Variants in PIEZO2 observed in about 807,000 individuals in gnomAD.
PIEZO2 encodes the protein piezo-type mechanosensitive ion channel component 2.
Under a neutral mutation model 337.3 loss-of-function variants are expected in PIEZO2, and 172 were observed. That is an observed-to-expected ratio of 0.51 (90% CI 0.45 to 0.58). The LOEUF is 0.58. Ranked by LOEUF, PIEZO2 falls within the 20% of genes least tolerant of loss-of-function variation. The pLI, the probability that PIEZO2 is intolerant of heterozygous loss-of-function variation, is 0.00. For missense variants in PIEZO2, 3,028 were observed against 3,391.3 expected (o/e 0.89, Z 2.66); for synonymous variants, 1,251 against 1,228.5 (o/e 1.02, Z -0.38).
intron 7 of PIEZO2, among the ~76,000 whole-genome samples, chr18:10,814,322 C>T (rs1356174246): frequency 1.3e-5 from 2 of 152,078 alleles, no homozygotes; most frequent in African/African-American, 4.8e-5. Flanking sequence ...GTTCTAATTC[C>T]AAGACAGCTT....
intron 1 of PIEZO2, among the ~76,000 whole-genome samples, chr18:11,108,886 C>T (rs1045543606): frequency 1.3e-5 from 2 of 152,140 alleles, no homozygotes; most frequent in East Asian, 1.9e-4. Flanking sequence ...ACATAAATAA[C>T]ACCAAAGGAA....
chr18:10,901,721 G>C (rs976659665), intron 4 of PIEZO2, among the ~76,000 whole-genome samples: 4 of 152,116 alleles, frequency 2.6e-5, no homozygotes, highest in African/African-American at 9.7e-5. Context: ...GTGCTGAGTA[G>C]AATATGATTA....
At position 10,673,573 on chromosome 18, in the gene PIEZO2, G is replaced by A. The variant is rs2033870382; in HGVS notation, c.8162-700C>T. Among the ~76,000 whole-genome samples, 1 of 152,216 alleles carries A rather than the reference G, an allele frequency of 6.6e-6. No individual in the cohort carries two copies. The highest frequency in any genetic ancestry group is 1.5e-5 in the Non-Finnish European group (1 of 68,044). ...GGGACACAGCTCAGCAAATCTCTGA[G>A]AACCATAATATCGGGTCAGTGATTA... On this transcript the variant is annotated intron_variant, in intron 54 of 55. Transcript: ENST00000674853. The surrounding 1 kb of genome is among the most constrained non-coding windows in gnomAD (Gnocchi z 4.8).
At chr18:10,760,838 G>T in intron 24 of PIEZO2, 73 bp downstream of exon 24, 1 of 1,268,212 alleles carries the variant, frequency 7.9e-7, no homozygotes, top group Non-Finnish European at 1.1e-6. Flanking sequence ...AGTTCCAGTG[G>T]CCAATTGGCC....
intron 2 of PIEZO2, among the ~76,000 whole-genome samples, chr18:10,985,758 AG>A (rs774974804): frequency 6.6e-6 from 1 of 152,014 alleles, no homozygotes; most frequent in Non-Finnish European, 1.5e-5. Context: ...AAGGAATCAA[AG>A]CATACCACTA....
At chr18:11,073,848 C>T (rs1314452005) in intron 1 of PIEZO2, among the ~76,000 whole-genome samples, 7 of 137,172 alleles carry the variant, frequency 5.1e-5, no homozygotes, top group Admixed American at 3.0e-4. Context: ...ATAACAACTG[C>T]TTTTTTTTTT....
intron 1 of PIEZO2, among the ~76,000 whole-genome samples, chr18:11,136,191 C>T (rs2040481513): frequency 6.6e-6 from 1 of 152,158 alleles, no homozygotes; most frequent in Non-Finnish European, 1.5e-5. Context: ...GTGAATGAGG[C>T]GGGGGCATCC....
At chr18:10,887,849 G>C (rs2042651142) in intron 4 of PIEZO2, among the ~76,000 whole-genome samples, 1 of 152,038 alleles carries the variant, frequency 6.6e-6, no homozygotes. Flanking sequence ...ACACAGACAT[G>C]GTGCTGTACT....
rs2040152354 is a variant in PIEZO2, at chr18:11,125,282, AAT to A, written c.64+23241_64+23242del. Among the ~76,000 whole-genome samples the A allele has an allele frequency of 6.6e-6, 1 of 152,246 alleles. No homozygotes were observed. The highest frequency in any genetic ancestry group is 1.5e-5 in the Non-Finnish European group (1 of 68,046). On this transcript the variant is annotated intron_variant, in intron 1 of 55. Coordinates refer to ENST00000674853, the MANE Select transcript of PIEZO2 (RefSeq NM_001378183.1). The surrounding 1 kb of genome is among the most constrained non-coding windows in gnomAD (Gnocchi z 4.4). ...GAGCTGATAATTCAAAAAGTATGCG[AAT>A]ATGTTTTAAAAACTACGATGTGTCC... is the stretch of plus-strand genomic sequence containing the variant.
chr18:11,119,909 T>C (rs2039986166), intron 1 of PIEZO2, among the ~76,000 whole-genome samples: 1 of 152,248 alleles, frequency 6.6e-6, no homozygotes, highest in Non-Finnish European at 1.5e-5. Context: ...CTGAAATTAC[T>C]ACCTAGTTGA....
rs548262322 is a variant in PIEZO2 at position 10,895,568 on chromosome 18, G to A, written c.329+15618C>T. Among the ~76,000 whole-genome samples the A allele has an allele frequency of 3.3e-4, 50 of 152,302 alleles. No individual in the cohort carries two copies. The highest frequency in any genetic ancestry group is 1.2e-3 in the African/African-American group (50 of 41,566). ...CCGGGGAATGGTGCCGTTTGTTGGGGTACCTGTGCAGCAGTAGCAGTGCCG... is the reference window on the plus strand; with the variant it reads ...CCGGGGAATGGTGCCGTTTGTTGGGATACCTGTGCAGCAGTAGCAGTGCCG... On this transcript the variant is annotated intron_variant, in intron 4 of 55. Transcript: ENST00000674853. The surrounding 1 kb of genome is among the most constrained non-coding windows in gnomAD (Gnocchi z 4.8).
rs911157531 is a variant in PIEZO2 at position 10,846,929 on chromosome 18, T to G, written c.917+8424A>C. Among the ~76,000 whole-genome samples the G allele has an allele frequency of 6.6e-6, 1 of 152,198 alleles. No individual in the cohort carries two copies. The highest frequency in any genetic ancestry group is 2.1e-4 in the South Asian group (1 of 4,828). On this transcript the variant is annotated intron_variant, in intron 7 of 55. Transcript: ENST00000674853. The surrounding 1 kb of genome is among the most constrained non-coding windows in gnomAD (Gnocchi z 4.1). ...AGTGAGTTTGAATAATAAAAATATT[T>G]GATGACTACAACAATAAAAATCAGT...
intron 49 of PIEZO2, among the ~76,000 whole-genome samples, chr18:10,685,011 A>G (rs1402052368): frequency 1.3e-5 from 2 of 152,018 alleles, no homozygotes; most frequent in Admixed American, 1.3e-4. Flanking sequence ...CTGCATTTCC[A>G]ATCAGCTTCC....
rs117915187 is a variant in PIEZO2, at chr18:10,730,691, T to C, written c.5029+716A>G. Among the ~76,000 whole-genome samples, 587 of 152,294 alleles carry C rather than the reference T, an allele frequency of 3.9e-3. 5 individuals carry two copies. Among genetic ancestry groups the C allele is most frequent in the Non-Finnish European group, 4.1e-3 (278 of 68,028 alleles). ...TTGTTTAAGTGTGCTTTCCCTTTTT[T>C]CTTGATTAAATTGCCAAAGTTTCAT... On this transcript the variant is annotated intron_variant, in intron 36 of 55. Transcript: ENST00000674853.
intron 5 of PIEZO2, among the ~76,000 whole-genome samples, chr18:10,864,039 A>G (rs2041944204): frequency 6.6e-6 from 1 of 152,222 alleles, no homozygotes; most frequent in Non-Finnish European, 1.5e-5. Context: ...GTGATGACAA[A>G]GGCAGCATTT....
chr18:10,982,531 C>G lies in PIEZO2; in HGVS notation c.161-2871G>C, dbSNP rs115557062. ...AAAATGCCAGTAGAAACTTTTACAC[C>G]TTTGACAAGTATATTTCAAAATATG... On this transcript the variant is annotated intron_variant, in intron 2 of 55. Transcript: ENST00000674853. This position sits in a 1 kb window ranked among gnomAD's most constrained non-coding sequence, Gnocchi z 4.1. Among the ~76,000 whole-genome samples the G allele has an allele frequency of 1.3e-5, 2 of 152,018 alleles. No individual in the cohort carries two copies. Among genetic ancestry groups the G allele is most frequent in the South Asian group, 2.1e-4 (1 of 4,822 alleles).
chr18:10,807,323 T>C, intron 7 of PIEZO2, 49 bp from the exon 8 acceptor site: 2 of 1,472,282 alleles, frequency 1.4e-6, no homozygotes, highest in Non-Finnish European at 1.8e-6. Flanking sequence ...AAGCTATATG[T>C]CTCCAACATT....
At chr18:11,026,607 TACATATACTAAA>T (rs1201103923) in intron 2 of PIEZO2, among the ~76,000 whole-genome samples, 4 of 152,230 alleles carry the variant, frequency 2.6e-5, no homozygotes, top group African/African-American at 9.6e-5. Flanking sequence ...TGGAAAGAGA[TACATATACTAAA>T]GCATTGCACA....
intron 1 of PIEZO2, among the ~76,000 whole-genome samples, chr18:11,144,881 G>C (rs540289390): frequency 6.6e-6 from 1 of 152,110 alleles, no homozygotes; most frequent in Non-Finnish European, 1.5e-5. Context: ...AGACATTAGG[G>C]AACTCCAGGC....
Sources: allele counts gnomAD v4.1 joint callset (sites outside exome capture counted in the v4.1 genomes callset), GRCh38; gene constraint gnomAD v4.1.1; non-coding constraint Gnocchi (gnomAD v3.1); transcripts MANE v1.5; gene names NCBI Gene and HGNC (gene_info 2026-07-23, HGNC 2026-07-21).